HPN: variants seen among roughly 807,000 people sequenced by gnomAD.
HPN encodes the protein serine protease hepsin.
In HPN, 13 loss-of-function variants were observed where a neutral mutation model predicts 55.9. That is an observed-to-expected ratio of 0.23 (90% CI 0.15 to 0.37). The LOEUF (loss-of-function observed/expected upper bound fraction) is 0.37, where lower values mean the gene tolerates loss of function less well. Among genes scored for constraint, HPN ranks in the 10% least tolerant of loss-of-function variants. The probability of loss-of-function intolerance (pLI) is 1.00; values close to 1 mark genes in which losing one functional copy is unlikely to be tolerated. For missense variants in HPN, 451 were observed against 575.8 expected, an observed-to-expected ratio of 0.78 and a Z score of 2.22; for synonymous variants, 225 against 240.3, an observed-to-expected ratio of 0.94 and a Z score of 0.59.
intron 9 of HPN, 103 bp downstream of exon 9, chr19:35,060,920 T>G: frequency 2.1e-6 from 2 of 975,592 alleles, no homozygotes; most frequent in Non-Finnish European, 3.0e-6. Context: ...CAGGCATCCT[T>G]GGCAATAAGG....
chr19:35,065,129 G>GT (rs113406953), intron 9 of HPN, 121 bp from the exon 10 acceptor site: 10,598 of 554,946 alleles, frequency 0.019, no homozygotes, highest in South Asian at 0.034. Flanking sequence ...GCCTATTGTG[G>GT]TTTTTTTTTT....
chr19:35,056,378 A>C (rs979392523), intron 4 of HPN, among the ~76,000 whole-genome samples: 1 of 152,092 alleles, frequency 6.6e-6, no homozygotes, highest in Non-Finnish European at 1.5e-5. Context: ...TGTTCATTGC[A>C]GTGGTGATTT....
In HPN at chr19:35,060,394, G is replaced by C. The variant is rs2084498272; in HGVS notation, c.502G>C (p.Asp168His). 1 of 1,612,822 alleles carries C rather than the reference G, an allele frequency of 6.2e-7. No homozygotes were observed. The highest frequency in any genetic ancestry group is 1.7e-5 in the Admixed American group (1 of 60,014). ...CGTGGACCGCATCGTGGGAGGCCGG[G>C]ACACCAGCTTGGGCCGGTGGCCGTG... ...LPVDRIVGGRDTSLGRWPWQV... is the reference protein window; with the variant it reads ...LPVDRIVGGRHTSLGRWPWQV... Residue 168 changes from aspartate to histidine, a missense_variant, in exon 8 of 13, where the codon GAC (aspartate) becomes CAC (histidine). This residue lies in a region of HPN where 378 missense variants were observed against 445.5 expected (regional missense o/e 0.85). Coordinates refer to ENST00000672452, the MANE Select transcript of HPN (RefSeq NM_001384133.1).
chr19:35,055,601 C>G (rs920109697), intron 4 of HPN, among the ~76,000 whole-genome samples: 3 of 152,084 alleles, frequency 2.0e-5, no homozygotes, highest in Admixed American at 2.0e-4. Flanking sequence ...GCTGCACCTA[C>G]AGAACCTCTC....
intron 4 of HPN, 187 bp from the exon 5 acceptor site, chr19:35,059,486 A>G (rs2064498386): frequency 1.3e-6 from 1 of 782,904 alleles, no homozygotes; most frequent in African/African-American, 1.7e-5. Flanking sequence ...TGTCTTTAAA[A>G]AAAAAAAGTC....
chr19:35,065,543 A>G lies in HPN; in HGVS notation c.912A>G (p.Gln304=). The change falls in exon 11 of 13, where the codon CAA becomes CAG. Residue 304 remains glutamine, a synonymous_variant. Coordinates refer to ENST00000672452, the MANE Select transcript of HPN (RefSeq NM_001384133.1). ...TGWGNTQYYG[Q]QAGVLQEARV... is the part of the protein sequence containing the mutation. ...GCCTTGCCTGCACACCCCCAGGCCA[A>G]CAGGCCGGGGTACTCCAGGAGGCTC... The G allele has an allele frequency of 1.2e-6, 2 of 1,613,994 alleles. No individual in the cohort carries two copies. The highest frequency in any genetic ancestry group is 1.7e-6 in the Non-Finnish European group (2 of 1,179,980).
At chr19:35,054,700 AC>A (rs1189308653) in intron 4 of HPN, among the ~76,000 whole-genome samples, 2 of 152,044 alleles carry the variant, frequency 1.3e-5, no homozygotes, top group Non-Finnish European at 2.9e-5. Flanking sequence ...TGGGGAAGCC[AC>A]CCCACCTCTC....
At chr19:35,050,875 T>C (rs1260511706) in intron 4 of HPN, among the ~76,000 whole-genome samples, 1 of 151,936 alleles carries the variant, frequency 6.6e-6, no homozygotes, top group Admixed American at 6.6e-5. Context: ...AACAACCTGT[T>C]GTTTTTCTTT....
At chr19:35,056,615 A>G (rs1231635954) in intron 4 of HPN, among the ~76,000 whole-genome samples, 1 of 152,062 alleles carries the variant, frequency 6.6e-6, no homozygotes, top group Non-Finnish European at 1.5e-5. Flanking sequence ...CGTATATCCC[A>G]GCCCTGCCTC....
intron 9 of HPN, among the ~76,000 whole-genome samples, chr19:35,064,564 G>T (rs1042117283): frequency 6.6e-6 from 1 of 151,876 alleles, no homozygotes; most frequent in African/African-American, 2.4e-5. Flanking sequence ...GGAGGTCGAG[G>T]CTGCAGTGAG....
intron 6 of HPN, 66 bp downstream of exon 6, chr19:35,060,062 T>A: frequency 6.2e-7 from 1 of 1,614,032 alleles, no homozygotes; most frequent in East Asian, 2.2e-5. Flanking sequence ...CTCCCCGTTT[T>A]CCTTCCACCT....
chr19:35,066,069 C>T (rs748826297), intron 12 of HPN, 37 bp downstream of exon 12: 7 of 1,609,640 alleles, frequency 4.3e-6, no homozygotes, highest in Admixed American at 3.3e-5. Context: ...AGGGTGGGGA[C>T]GTTTGGGTGT....
chr19:35,042,546 A>G, intron 2 of HPN, 24 bp downstream of exon 2: 1 of 1,598,296 alleles, frequency 6.3e-7, no homozygotes. Context: ...CCTGAGCCCC[A>G]GCTTTGGCTC....
chr19:35,046,247 A>ATT (rs35476966), intron 2 of HPN, among the ~76,000 whole-genome samples: 25,316 of 144,052 alleles, frequency 0.18, 2,341 homozygotes, highest in East Asian at 0.4. Context: ...TGAGCTTTCA[A>ATT]TTTTTTTTTT....
Position 35,049,456 on chromosome 19 carries a change from A to G in HPN, c.119-19A>G. 6.2e-7 allele frequency: 1 copy of G among 1,611,800 alleles called. No individual in the cohort carries two copies. The highest frequency in any genetic ancestry group is 8.5e-7 in the Non-Finnish European group (1 of 1,179,084). ...TGCAGCCTCCAGCCTGCCTGCCCTC[A>G]CCCCTCCCTTCTCTGCAGTGGCTGT... On this transcript the variant is annotated intron_variant, in intron 3 of 12. Coordinates refer to ENST00000672452, the MANE Select transcript of HPN (RefSeq NM_001384133.1).
At chr19:35,061,884 A>G (rs542731284) in intron 9 of HPN, among the ~76,000 whole-genome samples, 1 of 152,180 alleles carries the variant, frequency 6.6e-6, no homozygotes, top group Admixed American at 6.5e-5. Context: ...TGGGCAACAT[A>G]GCAAGACCCC....
chr19:35,050,911 TTTC>T (rs1210158296), intron 4 of HPN, among the ~76,000 whole-genome samples: 5 of 115,438 alleles, frequency 4.3e-5, no homozygotes, highest in African/African-American at 1.6e-4. Flanking sequence ...TCTTTCTTTC[TTTC>T]TTTTTTTTTT....
chr19:35,063,258 T>C (rs1307584313), intron 9 of HPN, among the ~76,000 whole-genome samples: 2 of 152,244 alleles, frequency 1.3e-5, no homozygotes, highest in Non-Finnish European at 1.5e-5. Flanking sequence ...CCAGGTGGAC[T>C]GGCACTGGAA....
At chr19:35,049,861 GTT>G (rs67924531) in intron 4 of HPN, among the ~76,000 whole-genome samples, 280 of 124,370 alleles carry the variant, frequency 2.3e-3, no homozygotes, top group Middle Eastern at 3.9e-3. Context: ...ATTTTTGTTT[GTT>G]TTTTTTTTTT....
Sources: allele counts gnomAD v4.1 joint callset (sites outside exome capture counted in the v4.1 genomes callset), GRCh38; gene constraint gnomAD v4.1.1; regional missense constraint gnomAD v4.1.1; transcripts MANE v1.5; gene names NCBI Gene and HGNC (gene_info 2026-07-23, HGNC 2026-07-21).